SFMBT1: variants seen among roughly 807,000 people sequenced by gnomAD.
SFMBT1 encodes the protein scm-like with four MBT domains protein 1.
Under a neutral mutation model 108.7 loss-of-function variants are expected in SFMBT1, and 32 were observed. That is an observed-to-expected ratio of 0.29 (90% CI 0.22 to 0.40). The LOEUF (loss-of-function observed/expected upper bound fraction) is 0.40, where lower values mean the gene tolerates loss of function less well. Ranked by LOEUF, SFMBT1 falls within the 10% of genes least tolerant of loss-of-function variation. SFMBT1 has a pLI of 1.00. For synonymous variants in SFMBT1, 348 were observed against 369.5 expected (o/e 0.94, Z 0.67); for missense variants, 816 against 1,059.6 (o/e 0.77, Z 3.19).
At chr3:52,995,053 GAAAGAAAAGGA>G (rs1698274110) in intron 1 of SFMBT1, among the ~76,000 whole-genome samples, 1 of 147,000 alleles carries the variant, frequency 6.8e-6, no homozygotes, top group African/African-American at 2.5e-5. Flanking sequence ...AAAGGAAAAG[GAAAGAAAAGGA>G]AAAGAAAAGC....
At chr3:52,948,775 T>C (rs1451921768) in intron 3 of SFMBT1, among the ~76,000 whole-genome samples, 1 of 150,010 alleles carries the variant, frequency 6.7e-6, no homozygotes, top group South Asian at 2.1e-4. Flanking sequence ...CCCCAGCCTC[T>C]GATGTAGCTA....
chr3:52,982,729 C>CAAAAAAAAAAAAAAAAAAAAAAAAA lies in SFMBT1; in HGVS notation c.-130-13472_-130-13471insTTTTTTTTTTTTTTTTTTTTTTTTT, dbSNP rs34099481. Among the ~76,000 whole-genome samples the CAAAAAAAAAAAAAAAAAAAAAAAAA allele has an allele frequency of 1.4e-4, 10 of 69,108 alleles. 1 individual carries two copies. The highest frequency in any genetic ancestry group is 5.1e-4 in the African/African-American group (8 of 15,630). The allele number at this position is 69,108 out of a possible 152,430, so 45.3% of individuals were successfully genotyped here. On this transcript the variant is annotated intron_variant, in intron 1 of 20. Coordinates refer to ENST00000394752, the MANE Select transcript of SFMBT1 (RefSeq NM_016329.4). ...GGGCGACAGAGCAAGACTCCCATCTCAAAAAAAAAAAAAAAAAAAAAAAAG... is the reference window on the plus strand; with the variant it reads ...GGGCGACAGAGCAAGACTCCCATCTCAAAAAAAAAAAAAAAAAAAAAAAAAAAAAAAAAAAAAAAAAAAAAAAAAG...
chr3:52,935,248 T>C (rs2106801567), intron 4 of SFMBT1, among the ~76,000 whole-genome samples: 1 of 152,212 alleles, frequency 6.6e-6, no homozygotes, highest in East Asian at 1.9e-4. Flanking sequence ...TGCCCTGGCG[T>C]CAACAACTGT....
intron 1 of SFMBT1, among the ~76,000 whole-genome samples, chr3:53,009,753 G>C (rs1698879741): frequency 6.6e-6 from 1 of 152,016 alleles, no homozygotes; most frequent in Non-Finnish European, 1.5e-5. Flanking sequence ...ATAAACCGTG[G>C]ATTAACATGT....
intron 1 of SFMBT1, among the ~76,000 whole-genome samples, chr3:53,025,418 G>C (rs1559554004): frequency 6.6e-6 from 1 of 152,060 alleles, no homozygotes; most frequent in Non-Finnish European, 1.5e-5. Context: ...GACCAGCCTG[G>C]GCAATGTTGG....
At chr3:52,993,409 A>G (rs1698193432) in intron 1 of SFMBT1, among the ~76,000 whole-genome samples, 1 of 150,350 alleles carries the variant, frequency 6.7e-6, no homozygotes, top group African/African-American at 2.4e-5. Flanking sequence ...CTGTTCTGCT[A>G]TACTGTTTAA....
At chr3:52,924,604 T>C (rs1056731415) in intron 10 of SFMBT1, among the ~76,000 whole-genome samples, 1 of 151,836 alleles carries the variant, frequency 6.6e-6, no homozygotes, top group African/African-American at 2.4e-5. Context: ...ATCGTACCAC[T>C]ACACTCCAGC....
intron 19 of SFMBT1, 113 bp downstream of exon 19, chr3:52,906,956 T>G: frequency 7.4e-7 from 1 of 1,346,300 alleles, no homozygotes; most frequent in Non-Finnish European, 9.9e-7. Context: ...CCCTGGAAAT[T>G]CTACATAAGT....
chr3:52,920,889 A>T (rs1285699437), intron 11 of SFMBT1, among the ~76,000 whole-genome samples: 1 of 152,234 alleles, frequency 6.6e-6, no homozygotes, highest in Non-Finnish European at 1.5e-5. Flanking sequence ...GGTGACACTT[A>T]AGCTAGGGAA....
chr3:52,949,033 T>C lies in SFMBT1; in HGVS notation c.123+5284A>G, dbSNP rs915444653. ...TGATGTTACTGCATTTTCATTTAGT[T>C]CCAAATATTTCAAAGTTTCCCGAGA... On this transcript the variant is annotated intron_variant, in intron 3 of 20. Transcript: ENST00000394752. Among the ~76,000 whole-genome samples the C allele has an allele frequency of 4.6e-5, 7 of 152,046 alleles. No individual in the cohort carries two copies. In the East Asian group the frequency reaches 1.4e-3, roughly 29 times the overall value.
intron 1 of SFMBT1, among the ~76,000 whole-genome samples, chr3:53,034,389 C>A (rs1699797773): frequency 6.6e-6 from 1 of 151,880 alleles, no homozygotes; most frequent in Non-Finnish European, 1.5e-5. Context: ...CCAGCCTGAC[C>A]AACATGGTGA....
chr3:52,978,885 A>G (rs1370929320), intron 1 of SFMBT1, among the ~76,000 whole-genome samples: 1 of 152,240 alleles, frequency 6.6e-6, no homozygotes, highest in Admixed American at 6.5e-5. Context: ...TTCCATTTAT[A>G]TAAAATGACC....
In SFMBT1 at chr3:52,908,324, G is replaced by A. The variant is rs1236808679; in HGVS notation, c.1907-591C>T. On this transcript the variant is annotated intron_variant, in intron 17 of 20. Coordinates refer to ENST00000394752, the MANE Select transcript of SFMBT1 (RefSeq NM_016329.4). The stretch of plus-strand genomic sequence containing the variant: ...CTTGACCTCATGATCTGCCCGCCTT[G>A]GCCTCCCAAAGTGCTGGGATTACAG... Among the ~76,000 whole-genome samples the A allele has an allele frequency of 2.0e-5, 3 of 151,848 alleles. No homozygotes were observed. The East Asian group carries it at 5.8e-4, about 29-fold the overall frequency.
intron 1 of SFMBT1, among the ~76,000 whole-genome samples, chr3:52,996,142 A>T (rs1474471905): frequency 3.4e-5 from 5 of 148,170 alleles, no homozygotes; most frequent in African/African-American, 9.8e-5. Flanking sequence ...TTAAAAAGAA[A>T]TTTTTTTGCA....
chr3:52,977,778 AG>A (rs1704568651), intron 1 of SFMBT1, among the ~76,000 whole-genome samples: 2 of 152,236 alleles, frequency 1.3e-5, no homozygotes, highest in Admixed American at 6.5e-5. Context: ...TAACGTGGTC[AG>A]GAAGAATACA....
chr3:52,945,416 GA>G (rs1390141626), intron 3 of SFMBT1, among the ~76,000 whole-genome samples: 1 of 151,944 alleles, frequency 6.6e-6, no homozygotes, highest in Non-Finnish European at 1.5e-5. Flanking sequence ...AATTAGGGGA[GA>G]GGGGACAGAT....
chr3:52,948,395 C>G (rs1575394824), intron 3 of SFMBT1, among the ~76,000 whole-genome samples: 2 of 152,010 alleles, frequency 1.3e-5, no homozygotes, highest in African/African-American at 4.8e-5. Context: ...GTCTGGCTAC[C>G]CTTGATCCAC....
chr3:52,933,795 C>T (rs1398363890), intron 5 of SFMBT1, among the ~76,000 whole-genome samples: 3 of 152,060 alleles, frequency 2.0e-5, no homozygotes, highest in Non-Finnish European at 4.4e-5. Flanking sequence ...TTAGAAAATA[C>T]AGGAGTAAAT....
intron 1 of SFMBT1, among the ~76,000 whole-genome samples, chr3:53,040,531 A>C (rs1436796401): frequency 1.3e-5 from 2 of 151,726 alleles, no homozygotes; most frequent in African/African-American, 4.8e-5. Context: ...ACACTTAACA[A>C]CCCTATCTGC....
Sources: allele counts gnomAD v4.1 joint callset (sites outside exome capture counted in the v4.1 genomes callset), GRCh38; gene constraint gnomAD v4.1.1; transcripts MANE v1.5; gene names NCBI Gene and HGNC (gene_info 2026-07-23, HGNC 2026-07-21).